Variants in SFXN2 observed in about 807,000 individuals in gnomAD.
The protein encoded by SFXN2 is sideroflexin 2.
SFXN2 carries 37 observed loss-of-function variants against 41.9 expected under a neutral mutation model. The observed-to-expected ratio is 0.88, with a 90% CI of 0.68 to 1.16. The LOEUF is 1.16. Ranked by LOEUF, SFXN2 falls within the 50% of genes most tolerant of loss-of-function variation. SFXN2 has a pLI of 0.00. For synonymous variants in SFXN2, 150 were observed against 156.7 expected, an observed-to-expected ratio of 0.96 and a Z score of 0.32; for missense variants, 386 against 425.2, an observed-to-expected ratio of 0.91 and a Z score of 0.81.
At chr10:102,733,370 G>A (rs1462310745) in intron 9 of SFXN2, among the ~76,000 whole-genome samples, 184 bp from the exon 10 acceptor site, 1 of 152,014 alleles carries the variant, frequency 6.6e-6, no homozygotes, top group East Asian at 1.9e-4. Flanking sequence ...GGATGGTCTC[G>A]ATCTCCTGAC....
At chr10:102,723,940 G>A (rs1265799016) in intron 1 of SFXN2, among the ~76,000 whole-genome samples, 2 of 152,134 alleles carry the variant, frequency 1.3e-5, no homozygotes, top group African/African-American at 4.8e-5. Flanking sequence ...ACTAAGTTTA[G>A]TACCCATTAG....
intron 9 of SFXN2, among the ~76,000 whole-genome samples, chr10:102,733,187 G>A (rs1458067022): frequency 6.6e-6 from 1 of 152,078 alleles, no homozygotes; most frequent in Admixed American, 6.6e-5. Context: ...TCGCTCTGTC[G>A]CCCAGGCTGG....
intron 1 of SFXN2, among the ~76,000 whole-genome samples, chr10:102,717,023 T>C (rs1234753831): frequency 6.6e-6 from 1 of 152,020 alleles, no homozygotes; most frequent in Non-Finnish European, 1.5e-5. Flanking sequence ...AAATGCCCAC[T>C]GTGGTGGCCC....
rs1287125753 is a variant in SFXN2 at position 102,740,925 on chromosome 10, T to G, written c.*3163T>G. 6.6e-6 allele frequency: 1 copy of G among 152,224 alleles called. No individual in the cohort carries two copies. The highest frequency in any genetic ancestry group is 1.5e-5 in the Non-Finnish European group (1 of 68,038). 9.4% of individuals were successfully genotyped at this position (152,224 alleles called of 1,614,324 possible). ...AACATACAATGTTTCCCCTTCCTTCTCAGCTCCTCAAGCCTCTTGGATTTC... is the reference window on the plus strand; with the variant it reads ...AACATACAATGTTTCCCCTTCCTTCGCAGCTCCTCAAGCCTCTTGGATTTC... On this transcript the variant is annotated 3_prime_UTR_variant, in exon 12 of 12. Transcript: ENST00000369893.
Position 102,734,808 on chromosome 10 carries a change from G to A in SFXN2, c.822-1054G>A, listed in dbSNP as rs868589844. Among the ~76,000 whole-genome samples the A allele has an allele frequency of 4.6e-4, 70 of 152,212 alleles. No homozygotes were observed. The highest frequency in any genetic ancestry group is 1.4e-3 in the East Asian group (7 of 5,178). On this transcript the variant is annotated intron_variant, in intron 10 of 11. Transcript: ENST00000369893. The surrounding 1 kb of genome is among the most constrained non-coding windows in gnomAD (Gnocchi z 4.1). ...ACCAACCCAGGTCTGTCAGAGTCCC[G>A]CGTCCTGTAAGACCTTGCCTCCCAA...
At chr10:102,732,539 G>A (rs975842052) in intron 8 of SFXN2, among the ~76,000 whole-genome samples, 5 of 152,224 alleles carry the variant, frequency 3.3e-5, no homozygotes, top group African/African-American at 9.6e-5. Flanking sequence ...AGCAGTGGGT[G>A]TATTGCAAAA....
intron 3 of SFXN2, 52 bp downstream of exon 3, chr10:102,727,209 T>C: frequency 6.4e-7 from 1 of 1,550,816 alleles, no homozygotes; most frequent in Non-Finnish European, 8.8e-7. Flanking sequence ...GATCTGCTGG[T>C]CAGGGAGCCA....
At chr10:102,736,959 A>G (rs1015486996) in intron 11 of SFXN2, among the ~76,000 whole-genome samples, 15 of 151,820 alleles carry the variant, frequency 9.9e-5, no homozygotes, top group African/African-American at 2.9e-4. Context: ...GTTCAAGACC[A>G]GCCTGACCAA....
intron 4 of SFXN2, 47 bp from the exon 5 acceptor site, chr10:102,729,272 C>T (rs779575335): frequency 1.2e-5 from 19 of 1,598,342 alleles, no homozygotes; most frequent in Non-Finnish European, 1.5e-5. Flanking sequence ...TGGTTTGGCC[C>T]TCAGCCGGCA....
At chr10:102,737,277 G>A (rs1465656864) in intron 11 of SFXN2, among the ~76,000 whole-genome samples, 2 of 152,192 alleles carry the variant, frequency 1.3e-5, no homozygotes, top group African/African-American at 4.8e-5. Context: ...TGATGGAAAA[G>A]GGAAGGGATA....
At chr10:102,716,638 G>A (rs1245973475) in intron 1 of SFXN2, 5 of 137,582 alleles carry the variant, frequency 3.6e-5, no homozygotes, top group African/African-American at 1.4e-4. Flanking sequence ...GTGCGATCTC[G>A]GCTCATCACA....
Position 102,737,749 on chromosome 10 carries a change from A to G in SFXN2, c.956A>G (p.Asn319Ser), listed in dbSNP as rs201424155. 5.2e-5 allele frequency: 84 copies of G among 1,610,628 alleles called. No homozygotes were observed. The highest frequency in any genetic ancestry group is 6.5e-5 in the Non-Finnish European group (76 of 1,177,172). The part of the protein sequence containing the change: ...YGELEPYVYF[N>S]KGL ...GAACTTGAGCCTTATGTCTACTTCAATAAGGGTCTCTAAATGCCCCACTTC... is the reference window on the plus strand; with the variant it reads ...GAACTTGAGCCTTATGTCTACTTCAGTAAGGGTCTCTAAATGCCCCACTTC... Residue 319 changes from asparagine (N) to serine (S), a missense_variant, in exon 12 of 12, where the codon AAT becomes AGT. Transcript: ENST00000369893.
chr10:102,733,884 TG>T (rs2064737636), intron 10 of SFXN2, among the ~76,000 whole-genome samples: 1 of 78,420 alleles, frequency 1.3e-5, no homozygotes, highest in African/African-American at 5.0e-5. Context: ...GCAATTTTTT[TG>T]TTTTTTGCTT....
Position 102,736,046 on chromosome 10 carries a change from A to G in SFXN2, c.869+137A>G, listed in dbSNP as rs562862988. On this transcript the variant is annotated intron_variant, in intron 11 of 11. Transcript: ENST00000369893. ...TCTGAGGACAAGTGTCCATCAGCCTAAAGGCTGGGCCTCTTAACCCTGGTG... is the reference window on the plus strand; with the variant it reads ...TCTGAGGACAAGTGTCCATCAGCCTGAAGGCTGGGCCTCTTAACCCTGGTG... 1.3e-4 allele frequency: 111 copies of G among 864,320 alleles called. 2 individuals are homozygous for G. In the South Asian group the frequency reaches 1.5e-3, roughly 12 times the overall value. 53.5% of individuals were successfully genotyped at this position (864,320 alleles called of 1,614,324 possible). A position where few individuals can be genotyped will look rare whatever the true frequency, so the allele number is the denominator to read the frequency against.
chr10:102,724,042 C>T (rs142886758), intron 1 of SFXN2, among the ~76,000 whole-genome samples: 1 of 152,262 alleles, frequency 6.6e-6, no homozygotes, highest in African/African-American at 2.4e-5. Context: ...TCCATGTGTT[C>T]TTATCATTTA....
rs1444250924 is a variant in SFXN2 at position 102,739,636 on chromosome 10, G to A, written c.*1874G>A. On this transcript the variant is annotated 3_prime_UTR_variant, in exon 12 of 12. Transcript: ENST00000369893. ...GTTCTTAAGCACATGCATCAACCGG[G>A]CGCAGTGGCTCATGCCTGTAATCCC... is the stretch of plus-strand genomic sequence containing the variant. 1 of 152,246 alleles carries A rather than the reference G, an allele frequency of 6.6e-6. No individual in the cohort carries two copies. Among genetic ancestry groups the A allele is most frequent in the Non-Finnish European group, 1.5e-5 (1 of 68,064 alleles). The allele number at this position is 152,246 out of a possible 1,614,324, so 9.4% of individuals were successfully genotyped here.
chr10:102,731,680 C>G, intron 6 of SFXN2, 43 bp from the exon 7 acceptor site: 1 of 1,577,336 alleles, frequency 6.3e-7, no homozygotes, highest in Non-Finnish European at 8.7e-7. Context: ...GGCAGGCTTC[C>G]ATCACCCCTT....
chr10:102,729,953 C>A, intron 6 of SFXN2, 145 bp downstream of exon 6: 1 of 866,392 alleles, frequency 1.2e-6, no homozygotes, highest in Non-Finnish European at 1.8e-6. Context: ...CTGGGATTGG[C>A]AGCTCCCATG....
At position 102,714,674 on chromosome 10, in the gene SFXN2, G is replaced by A; in HGVS notation, c.-33G>A. On this transcript the variant is annotated 5_prime_UTR_variant, in exon 1 of 12. Coordinates refer to ENST00000369893, the MANE Select transcript of SFXN2 (RefSeq NM_178858.6). ...GGCTGTAACTGGTGGCATTTGTCCC[G>A]GGACCAGGTAAGGGGCCTTGGGACA... 1 of 235,166 alleles carries A rather than the reference G, an allele frequency of 4.3e-6. No homozygotes were observed. The highest frequency in any genetic ancestry group is 8.1e-6 in the Non-Finnish European group (1 of 123,012). The allele number at this position is 235,166 out of a possible 1,614,324, so 14.6% of individuals were successfully genotyped here. A position where few individuals can be genotyped will look rare whatever the true frequency, so the allele number is the denominator to read the frequency against.
Sources: allele counts gnomAD v4.1 joint callset (sites outside exome capture counted in the v4.1 genomes callset), GRCh38; gene constraint gnomAD v4.1.1; non-coding constraint Gnocchi (gnomAD v3.1); transcripts MANE v1.5; gene names NCBI Gene and HGNC (gene_info 2026-07-23, HGNC 2026-07-21).